OXCT1: variants seen among roughly 807,000 people sequenced by gnomAD.
OXCT1 encodes the protein succinyl-CoA:3-ketoacid coenzyme A transferase 1, mitochondrial.
In OXCT1, 27 loss-of-function variants were observed where a neutral mutation model predicts 69.6. The observed-to-expected ratio is 0.39, with a 90% CI of 0.29 to 0.54. The LOEUF (loss-of-function observed/expected upper bound fraction) is 0.54, where lower values mean the gene tolerates loss of function less well. Among genes scored for constraint, OXCT1 ranks in the 20% least tolerant of loss-of-function variants. OXCT1 has a pLI of 0.72. For synonymous variants in OXCT1, 202 were observed against 217.8 expected (o/e 0.93, Z 0.64); for missense variants, 437 against 650.2 (o/e 0.67, Z 3.57).
intron 13 of OXCT1, among the ~76,000 whole-genome samples, chr5:41,785,837 T>A (rs532513137): frequency 2.2e-4 from 34 of 152,306 alleles, no homozygotes; most frequent in African/African-American, 7.2e-4. Flanking sequence ...ACCCCTACAT[T>A]TCTCAGCAAC....
intron 14 of OXCT1, among the ~76,000 whole-genome samples, chr5:41,754,398 C>T (rs553930237): frequency 2.4e-4 from 37 of 152,108 alleles, no homozygotes; most frequent in African/African-American, 8.4e-4. Flanking sequence ...TGTCACATCA[C>T]TATAACTGAT....
intron 15 of OXCT1, among the ~76,000 whole-genome samples, chr5:41,743,960 C>A (rs935953237): frequency 6.6e-6 from 1 of 151,990 alleles, no homozygotes; most frequent in African/African-American, 2.4e-5. Flanking sequence ...CTTGGAAATG[C>A]GAGCTCTTTT....
chr5:41,777,273 G>A (rs540054161), intron 13 of OXCT1, among the ~76,000 whole-genome samples: 10 of 152,110 alleles, frequency 6.6e-5, no homozygotes, highest in Admixed American at 3.3e-4. Flanking sequence ...ATTATTAGCC[G>A]GGCATGGTGG....
chr5:41,870,420 G>A lies in OXCT1; in HGVS notation c.-62C>T. On this transcript the variant is annotated 5_prime_UTR_variant, in exon 1 of 17. Transcript: ENST00000196371. This position sits in a 1 kb window ranked among gnomAD's most constrained non-coding sequence, Gnocchi z 4.2. Reference sequence around the variant, plus strand: ...AGCGCGCGTTTGAGCGTCGGTGCGCGACTGCGAAGGAAACCCGGGCGGGCT... The same window carrying A: ...AGCGCGCGTTTGAGCGTCGGTGCGCAACTGCGAAGGAAACCCGGGCGGGCT... 1.6e-6 allele frequency: 2 copies of A among 1,278,500 alleles called. No individual in the cohort carries two copies. Among genetic ancestry groups the A allele is most frequent in the South Asian group, 1.2e-5 (1 of 82,254 alleles). The allele number at this position is 1,278,500 out of a possible 1,614,324, so 79.2% of individuals were successfully genotyped here.
At chr5:41,778,973 T>A (rs866989019) in intron 13 of OXCT1, among the ~76,000 whole-genome samples, 1 of 152,236 alleles carries the variant, frequency 6.6e-6, no homozygotes, top group African/African-American at 2.4e-5. Flanking sequence ...AATATTGGAA[T>A]GTGATTTTCA....
Position 41,870,094 on chromosome 5 carries a change from C to A in OXCT1, c.78+187G>T. ...AAGCGACTGCAGAACCAAGCAAAGGCGGTCATCCGAGGGGCCGGCGAGGCC... is the reference window on the plus strand; with the variant it reads ...AAGCGACTGCAGAACCAAGCAAAGGAGGTCATCCGAGGGGCCGGCGAGGCC... On this transcript the variant is annotated intron_variant, in intron 1 of 16. Transcript: ENST00000196371. The surrounding 1 kb of genome is among the most constrained non-coding windows in gnomAD (Gnocchi z 4.2). 1.5e-6 allele frequency: 1 copy of A among 654,236 alleles called. No individual in the cohort carries two copies. Among genetic ancestry groups the A allele is most frequent in the Admixed American group, 2.2e-5 (1 of 45,172 alleles). The allele number at this position is 654,236 out of a possible 1,614,324, so 40.5% of individuals were successfully genotyped here.
chr5:41,735,983 G>A (rs1742866901), intron 16 of OXCT1, among the ~76,000 whole-genome samples: 1 of 152,184 alleles, frequency 6.6e-6, no homozygotes, highest in Admixed American at 6.5e-5. Flanking sequence ...CAAAGCCTCT[G>A]TATCTGTGGG....
rs554623953 is a variant in OXCT1, at chr5:41,850,656, T to C, written c.415-477A>G. On this transcript the variant is annotated intron_variant, in intron 4 of 16. Coordinates refer to ENST00000196371, the MANE Select transcript of OXCT1 (RefSeq NM_000436.4). ...TTTAAACCATTTTCATAAATATTTT[T>C]ATCTACAAATCGTCTAAGAAAAAAA... 1.2e-3 allele frequency among the ~76,000 whole-genome samples: 177 copies of C among 152,298 alleles called. 1 individual carries two copies. The Middle Eastern group carries it at 0.014, about 12-fold the overall frequency.
At chr5:41,849,661 G>T (rs918354987) in intron 5 of OXCT1, among the ~76,000 whole-genome samples, 1 of 152,134 alleles carries the variant, frequency 6.6e-6, no homozygotes, top group Non-Finnish European at 1.5e-5. Context: ...TTTAGGAAGG[G>T]CCTGAGCATA....
chr5:41,761,133 T>C (rs989052571), intron 14 of OXCT1, among the ~76,000 whole-genome samples: 6 of 152,058 alleles, frequency 3.9e-5, no homozygotes, highest in African/African-American at 1.4e-4. Context: ...ATATCAACTT[T>C]TAAAATCAGT....
At chr5:41,795,572 C>T (rs879680490) in intron 11 of OXCT1, among the ~76,000 whole-genome samples, 2 of 152,156 alleles carry the variant, frequency 1.3e-5, no homozygotes, top group Non-Finnish European at 2.9e-5. Flanking sequence ...AAGGGAATGA[C>T]ACAGGAGATG....
At chr5:41,781,933 A>G (rs1299011682) in intron 13 of OXCT1, among the ~76,000 whole-genome samples, 1 of 152,122 alleles carries the variant, frequency 6.6e-6, no homozygotes, top group Admixed American at 6.5e-5. Context: ...ACGTTTCTTT[A>G]TAACAGAATG....
intron 7 of OXCT1, among the ~76,000 whole-genome samples, chr5:41,834,223 A>G (rs1340375064): frequency 1.3e-5 from 2 of 152,060 alleles, no homozygotes; most frequent in African/African-American, 4.8e-5. Flanking sequence ...ACTAGAAGGA[A>G]GACAGGAAGG....
chr5:41,753,292 G>GAC (rs70988867), intron 14 of OXCT1, among the ~76,000 whole-genome samples: 5 of 133,286 alleles, frequency 3.8e-5, no homozygotes, highest in Non-Finnish European at 7.9e-5. Flanking sequence ...CACACACATA[G>GAC]ACACACACAC....
At chr5:41,797,740 T>A (rs766143300) in intron 11 of OXCT1, among the ~76,000 whole-genome samples, 4 of 152,198 alleles carry the variant, frequency 2.6e-5, no homozygotes, top group Non-Finnish European at 4.4e-5. Context: ...GTTTGCAAAC[T>A]TTAACATTCA....
rs1192432703 is a variant in OXCT1, at chr5:41,862,764, A to G, written c.79-14T>C. 2 of 1,509,054 alleles carry G rather than the reference A, an allele frequency of 1.3e-6. No individual in the cohort carries two copies. Among genetic ancestry groups the G allele is most frequent in the Non-Finnish European group, 1.8e-6 (2 of 1,084,858 alleles). The allele number at this position is 1,509,054 out of a possible 1,614,324, so 93.5% of individuals were successfully genotyped here. ...ACAAACACATCCCTGAAATATTAAA[A>G]AAAAAAAATTGATAATCATTTGGAG... On this transcript the variant is annotated splice_polypyrimidine_tract_variant and intron_variant, in intron 1 of 16. Coordinates refer to ENST00000196371, the MANE Select transcript of OXCT1 (RefSeq NM_000436.4).
intron 1 of OXCT1, among the ~76,000 whole-genome samples, chr5:41,867,989 C>A (rs1275513445): frequency 1.3e-5 from 2 of 152,232 alleles, no homozygotes. Context: ...AGACCAGCAG[C>A]ATCAACATCA....
chr5:41,857,652 C>G (rs1749494709), intron 3 of OXCT1, among the ~76,000 whole-genome samples: 1 of 152,172 alleles, frequency 6.6e-6, no homozygotes, highest in Non-Finnish European at 1.5e-5. Context: ...TCTTCCAGGT[C>G]CTAGTAACAG....
At chr5:41,764,272 G>C (rs1579685341) in intron 13 of OXCT1, among the ~76,000 whole-genome samples, 2 of 152,254 alleles carry the variant, frequency 1.3e-5, no homozygotes, top group South Asian at 4.1e-4. Flanking sequence ...CTCTGAATTT[G>C]TGTTCATTAT....
Sources: gnomAD v4.1 joint callset for allele counts (sites outside exome capture counted in the v4.1 genomes callset) on GRCh38, gnomAD v4.1.1 for gene constraint, Gnocchi (gnomAD v3.1) non-coding constraint, MANE v1.5 for transcripts, NCBI Gene and HGNC (gene_info 2026-07-23, HGNC 2026-07-21) for gene names.